The following SPHK2 variants were observed in gnomAD, a reference collection of about 807,000 sequenced individuals.
SPHK2 encodes the protein sphingosine kinase 2.
In SPHK2, 18 loss-of-function variants were observed where a neutral mutation model predicts 32.3. That is an observed-to-expected ratio of 0.56 (90% CI 0.39 to 0.83). The LOEUF (loss-of-function observed/expected upper bound fraction) is 0.83, where lower values mean the gene tolerates loss of function less well. SPHK2 is among the 40% of genes least tolerant of loss of function. SPHK2 has a pLI of 0.00. For synonymous variants in SPHK2, 462 were observed against 417.6 expected (o/e 1.11, Z -1.30); for missense variants, 850 against 908.7 (o/e 0.94, Z 0.83).
rs1401713222 is a variant in SPHK2 at position 48,628,386 on chromosome 19, C to T, written c.872+109C>T. On this transcript the variant is annotated intron_variant, in intron 6 of 6. Coordinates refer to ENST00000245222, the MANE Select transcript of SPHK2 (RefSeq NM_020126.5). This position sits in a 1 kb window ranked among gnomAD's most constrained non-coding sequence, Gnocchi z 5.2. Reference sequence around the variant, plus strand: ...CAGTCAGTCAAGTAAATCAGCCTGCCTGTGGGATGCTCACCCCCAGCTCCT... The same window carrying T: ...CAGTCAGTCAAGTAAATCAGCCTGCTTGTGGGATGCTCACCCCCAGCTCCT... 9.0e-7 allele frequency: 1 copy of T among 1,106,362 alleles called. No individual in the cohort carries two copies. Among genetic ancestry groups the T allele is most frequent in the Non-Finnish European group, 1.4e-6 (1 of 730,008 alleles). 68.5% of individuals were successfully genotyped at this position (1,106,362 alleles called of 1,614,324 possible).
At position 48,628,364 on chromosome 19, in the gene SPHK2, T is replaced by A. The variant is rs1331792039; in HGVS notation, c.872+87T>A. 1 of 1,288,096 alleles carries A rather than the reference T, an allele frequency of 7.8e-7. No individual in the cohort carries two copies. The highest frequency in any genetic ancestry group is 2.3e-5 in the East Asian group (1 of 43,476). 79.8% of individuals were successfully genotyped at this position (1,288,096 alleles called of 1,614,324 possible). ...ATCTCCCACTCAGCCAAACCCACAG[T>A]CAGTCAAGTAAATCAGCCTGCCTGT... On this transcript the variant is annotated intron_variant, in intron 6 of 6. Transcript: ENST00000245222. This position sits in a 1 kb window ranked among gnomAD's most constrained non-coding sequence, Gnocchi z 5.2.
In SPHK2 at chr19:48,626,295, C is replaced by G. The variant is rs200221584; in HGVS notation, c.444C>G (p.Ala148=). ...CCGCCACCTACGAAGAGAACCGTGC[C>G]GAGGCCCAGCGCTGGGCCACTGCCC... is the stretch of plus-strand genomic sequence containing the variant. The part of the protein sequence containing the change: ...DGAATYEENR[A]EAQRWATALT... Residue 148 remains alanine, a synonymous_variant, in exon 3 of 7, where the codon GCC becomes GCG. Transcript: ENST00000245222. The G allele has an allele frequency of 2.5e-6, 4 of 1,594,378 alleles. No individual in the cohort carries two copies. The highest frequency in any genetic ancestry group is 1.3e-5 in the African/African-American group (1 of 74,770).
chr19:48,621,786 G>T (rs980400752), intron 2 of SPHK2, among the ~76,000 whole-genome samples: 5 of 152,192 alleles, frequency 3.3e-5, no homozygotes, highest in African/African-American at 1.2e-4. Flanking sequence ...ATTGAGACAT[G>T]CATTACATTA....
intron 3 of SPHK2, among the ~76,000 whole-genome samples, chr19:48,627,487 G>A (rs184103210): frequency 1.3e-5 from 2 of 152,340 alleles, no homozygotes; most frequent in East Asian, 3.9e-4. Context: ...GGGACAAAGG[G>A]CATTTGGTTT....
chr19:48,628,620 T>A lies in SPHK2; in HGVS notation c.873-61T>A, dbSNP rs566317970. 2 of 1,582,920 alleles carry A rather than the reference T, an allele frequency of 1.3e-6. 1 individual carries two copies. Among genetic ancestry groups the A allele is most frequent in the South Asian group, 2.2e-5 (2 of 89,674 alleles). On this transcript the variant is annotated intron_variant, in intron 6 of 6. Coordinates refer to ENST00000245222, the MANE Select transcript of SPHK2 (RefSeq NM_020126.5). This position sits in a 1 kb window ranked among gnomAD's most constrained non-coding sequence, Gnocchi z 5.2. ...ATTGCCAGCTGCTTTCCTACCTGTC[T>A]CTTTCCCCAACCCCTGTTTGCTCCT... is the stretch of plus-strand genomic sequence containing the variant.
Position 48,629,952 on chromosome 19 carries a change from T to C in SPHK2, c.*179T>C, listed in dbSNP as rs1280941632. On this transcript the variant is annotated 3_prime_UTR_variant, in exon 7 of 7. Transcript: ENST00000245222. ...TGCTGGAAGGTGGGCGTCGTCACGG[T>C]TAAAGAGAAATGGGCTCGTCCCGAG... The C allele has an allele frequency of 4.9e-6, 7 of 1,415,550 alleles. No individual in the cohort carries two copies. Among genetic ancestry groups the C allele is most frequent in the Non-Finnish European group, 5.5e-6 (6 of 1,089,204 alleles). The allele number at this position is 1,415,550 out of a possible 1,614,324, so 87.7% of individuals were successfully genotyped here.
At position 48,629,448 on chromosome 19, in the gene SPHK2, G is replaced by A; in HGVS notation, c.1640G>A (p.Ser547Asn). Residue 547 changes from serine to asparagine, a missense_variant, in exon 7 of 7, where the codon AGC becomes AAC. Ser to Asn is a conservative substitution (Grantham distance 46, BLOSUM62 1). Transcript: ENST00000245222. Reference sequence around the variant, plus strand: ...GTGCTCATGTTGGCCATCTCGCCCAGCCACCTAGGCGCTGACCTGGTGGCA... The same window carrying A: ...GTGCTCATGTTGGCCATCTCGCCCAACCACCTAGGCGCTGACCTGGTGGCA... Reference protein sequence around the residue: ...DFVLMLAISPSHLGADLVAAP... With the variant: ...DFVLMLAISPNHLGADLVAAP... 1 of 1,608,790 alleles carries A rather than the reference G, an allele frequency of 6.2e-7. No homozygotes were observed. Among genetic ancestry groups the A allele is most frequent in the Non-Finnish European group, 8.5e-7 (1 of 1,178,682 alleles).
At chr19:48,621,616 T>C (rs946589908) in intron 2 of SPHK2, among the ~76,000 whole-genome samples, 1 of 152,114 alleles carries the variant, frequency 6.6e-6, no homozygotes, top group Non-Finnish European at 1.5e-5. Context: ...AGGATACTTA[T>C]TATTTATTAT....
intron 2 of SPHK2, chr19:48,625,055 G>C (rs1974550876): frequency 2.0e-6 from 2 of 992,002 alleles, no homozygotes; most frequent in African/African-American, 3.5e-5. Context: ...GCTCCCTGGA[G>C]AGCAGGCGGC....
At position 48,627,819 on chromosome 19, in the gene SPHK2, G is replaced by C. The variant is rs1230950975; in HGVS notation, c.639G>C (p.Leu213=). The C allele has an allele frequency of 2.5e-6, 4 of 1,613,006 alleles. No homozygotes were observed. Among genetic ancestry groups the C allele is most frequent in the Non-Finnish European group, 3.4e-6 (4 of 1,179,518 alleles). ...TTCCCATGATCTCTGAAGCTGGGCT[G>C]TCCTTCAACCTCATCCAGACAGGTA... ...HVLPMISEAG[L]SFNLIQTERQ... is the part of the protein sequence containing the mutation. The change falls in exon 4 of 7, where the codon CTG becomes CTC. Residue 213 remains leucine (L), a synonymous_variant. Transcript: ENST00000245222.
At chr19:48,621,451 G>T (rs1437315409) in intron 2 of SPHK2, among the ~76,000 whole-genome samples, 1 of 152,044 alleles carries the variant, frequency 6.6e-6, no homozygotes, top group African/African-American at 2.4e-5. Context: ...TGAGCTCAAG[G>T]GATTCTCCCA....
intron 2 of SPHK2, chr19:48,624,046 T>C (rs1403133658): frequency 1.3e-5 from 2 of 152,318 alleles, no homozygotes; most frequent in Non-Finnish European, 2.9e-5. Flanking sequence ...TCTCTGTCTT[T>C]GCAGCTAAAG....
intron 2 of SPHK2, chr19:48,624,831 AG>A (rs1007947910): frequency 5.0e-5 from 39 of 776,090 alleles, no homozygotes; most frequent in Non-Finnish European, 5.6e-5. Context: ...CGCTGGGGAT[AG>A]GGGGGCAGAT....
chr19:48,629,784 G>C lies in SPHK2; in HGVS notation c.*11G>C, dbSNP rs745650758. ...GGGCGGGAGCCCTGAAACTAAACAA[G>C]CTTGGTACCCGCCGGGGGCGGGGCC... On this transcript the variant is annotated 3_prime_UTR_variant, in exon 7 of 7. Transcript: ENST00000245222. 1.3e-6 allele frequency: 2 copies of C among 1,549,712 alleles called. No homozygotes were observed. The highest frequency in any genetic ancestry group is 1.7e-6 in the Non-Finnish European group (2 of 1,145,980).
chr19:48,629,320 T>C lies in SPHK2; in HGVS notation c.1512T>C (p.Pro504=), dbSNP rs763495231. ...CCTCTGGGCTCCCACTTCCCACCCC[T>C]GATGCCCGGGTAGGGGCCTCCACCT... ...PPSSGLPLPT[P]DARVGASTCG... is the part of the protein sequence containing the mutation. The change falls in exon 7 of 7, where the codon CCT becomes CCC. Residue 504 remains proline (P), a synonymous_variant. Transcript: ENST00000245222. 4 of 1,613,124 alleles carry C rather than the reference T, an allele frequency of 2.5e-6. No homozygotes were observed. The highest frequency in any genetic ancestry group is 2.5e-6 in the Non-Finnish European group (3 of 1,179,946).
chr19:48,624,809 A>C, intron 2 of SPHK2: 1 of 745,012 alleles, frequency 1.3e-6, no homozygotes, highest in Non-Finnish European at 1.6e-6. Context: ...GACGTCCTGG[A>C]CCCGAGAGAG....
Position 48,628,621 on chromosome 19 carries a change from C to T in SPHK2, c.873-60C>T. On this transcript the variant is annotated intron_variant, in intron 6 of 6. Coordinates refer to ENST00000245222, the MANE Select transcript of SPHK2 (RefSeq NM_020126.5). The surrounding 1 kb of genome is among the most constrained non-coding windows in gnomAD (Gnocchi z 5.2). ...TTGCCAGCTGCTTTCCTACCTGTCT[C>T]TTTCCCCAACCCCTGTTTGCTCCTT... 1 of 1,584,148 alleles carries T rather than the reference C, an allele frequency of 6.3e-7. No individual in the cohort carries two copies. Among genetic ancestry groups the T allele is most frequent in the Non-Finnish European group, 8.6e-7 (1 of 1,167,648 alleles).
rs147822421 is a variant in SPHK2, at chr19:48,628,734, G to A, written c.926G>A (p.Cys309Tyr). 1 of 1,613,102 alleles carries A rather than the reference G, an allele frequency of 6.2e-7. No homozygotes were observed. The highest frequency in any genetic ancestry group is 8.5e-7 in the Non-Finnish European group (1 of 1,180,020). Residue 309 changes from cysteine (C) to tyrosine (Y), a missense_variant, in exon 7 of 7, where the codon TGC becomes TAC. Physicochemically the swap from Cys to Tyr is radical, Grantham distance 194. Coordinates refer to ENST00000245222, the MANE Select transcript of SPHK2 (RefSeq NM_020126.5). The surrounding 1 kb of genome is among the most constrained non-coding windows in gnomAD (Gnocchi z 5.2). ...TTGCTCAACTGCTCACTGTTGCTGT[G>A]CCGGGGTGGTGGCCACCCACTGGAC... ...DLLLNCSLLL[C>Y]RGGGHPLDLL...
rs770569644 is a variant in SPHK2 at position 48,627,956 on chromosome 19, G to A, written c.662-19G>A. 2 of 1,571,302 alleles carry A rather than the reference G, an allele frequency of 1.3e-6. No individual in the cohort carries two copies. Among genetic ancestry groups the A allele is most frequent in the Non-Finnish European group, 1.7e-6 (2 of 1,155,670 alleles). ...CTGGGGTGGGACAGCCTGCCTAACAGCCCGGTATCCCACTTCAGAACGACA... is the reference window on the plus strand; with the variant it reads ...CTGGGGTGGGACAGCCTGCCTAACAACCCGGTATCCCACTTCAGAACGACA... On this transcript the variant is annotated intron_variant, in intron 4 of 6. Coordinates refer to ENST00000245222, the MANE Select transcript of SPHK2 (RefSeq NM_020126.5).
Sources: allele counts gnomAD v4.1 joint callset (sites outside exome capture counted in the v4.1 genomes callset), GRCh38; gene constraint gnomAD v4.1.1; non-coding constraint Gnocchi (gnomAD v3.1); transcripts MANE v1.5; gene names NCBI Gene and HGNC (gene_info 2026-07-23, HGNC 2026-07-21).